SLC25A20: variants seen among roughly 807,000 people sequenced by gnomAD.
The protein encoded by SLC25A20 is mitochondrial carnitine/acylcarnitine carrier protein.
In SLC25A20, 29 loss-of-function variants were observed where a neutral mutation model predicts 39.7. The ratio of observed to expected loss-of-function variants is 0.73; its 90% CI spans 0.54 to 1.00. The LOEUF (loss-of-function observed/expected upper bound fraction) is 1.00, where lower values mean the gene tolerates loss of function less well. Ranked by LOEUF, SLC25A20 falls within the 50% of genes least tolerant of loss-of-function variation. SLC25A20 has a pLI of 0.00. For missense variants in SLC25A20, 333 were observed against 379.9 expected (o/e 0.88, Z 1.03); for synonymous variants, 103 against 142.2 (o/e 0.72, Z 1.96).
intron 1 of SLC25A20, among the ~76,000 whole-genome samples, chr3:48,897,933 T>C (rs565639655): frequency 7.2e-5 from 11 of 152,212 alleles, no homozygotes; most frequent in Non-Finnish European, 8.8e-5. Flanking sequence ...AAAGCATTAA[T>C]GAAGGTGTTG....
rs551018932 is a variant in SLC25A20 at position 48,879,773 on chromosome 3, G to C, written c.327-325C>G. Among the ~76,000 whole-genome samples the C allele has an allele frequency of 2.0e-5, 3 of 152,280 alleles. No individual in the cohort carries two copies. In the East Asian group the frequency reaches 5.8e-4, roughly 29 times the overall value. On this transcript the variant is annotated intron_variant, in intron 3 of 8. Transcript: ENST00000319017. The stretch of plus-strand genomic sequence containing the variant: ...ATGGCTTCCATCCATGCGCCTGCCA[G>C]GCACAGTGACTATGGACAAGTTTCC...
intron 2 of SLC25A20, among the ~76,000 whole-genome samples, chr3:48,885,036 C>T (rs2083820103): frequency 6.6e-6 from 1 of 152,020 alleles, no homozygotes; most frequent in Non-Finnish European, 1.5e-5. Context: ...GCAATTTTCA[C>T]TAGCACAGTT....
chr3:48,859,282 G>A (rs1302795324), intron 6 of SLC25A20, 81 bp from the exon 7 acceptor site: 1 of 1,318,356 alleles, frequency 7.6e-7, no homozygotes, highest in East Asian at 2.4e-5. Flanking sequence ...GGCAGACAGG[G>A]CAGTTACAGA....
chr3:48,878,672 C>T (rs900093977), intron 4 of SLC25A20, among the ~76,000 whole-genome samples: 23 of 151,168 alleles, frequency 1.5e-4, no homozygotes, highest in Non-Finnish European at 3.0e-4. Flanking sequence ...TGGTGGCAGG[C>T]GCCTGCAATC....
chr3:48,861,499 G>A (rs1397946610), intron 5 of SLC25A20, among the ~76,000 whole-genome samples: 2 of 152,210 alleles, frequency 1.3e-5, no homozygotes, highest in Non-Finnish European at 1.5e-5. Flanking sequence ...GACCAAGGCA[G>A]GTGGATCATC....
At chr3:48,868,830 C>T (rs568074328) in intron 4 of SLC25A20, among the ~76,000 whole-genome samples, 3 of 152,240 alleles carry the variant, frequency 2.0e-5, no homozygotes, top group South Asian at 4.1e-4. Flanking sequence ...ATGTTACCAG[C>T]GTGGAGTCAG....
rs768120163 is a variant in SLC25A20 at position 48,857,781 on chromosome 3, G to A, written c.844-9C>T. 6 of 1,613,012 alleles carry A rather than the reference G, an allele frequency of 3.7e-6. No individual in the cohort carries two copies. The highest frequency in any genetic ancestry group is 4.2e-6 in the Non-Finnish European group (5 of 1,179,626). ...AAGCCAAGGAAACAGGCCTAAGAAG[G>A]GATTGGGAGGAAGAAAAAAGCCAGC... On this transcript the variant is annotated splice_polypyrimidine_tract_variant and intron_variant, in intron 8 of 8. Transcript: ENST00000319017.
chr3:48,881,630 C>A (rs944355014), intron 3 of SLC25A20, among the ~76,000 whole-genome samples: 1 of 152,090 alleles, frequency 6.6e-6, no homozygotes, highest in African/African-American at 2.4e-5. Context: ...GGAGTGGGGT[C>A]CTGAGTGTCT....
Position 48,898,725 on chromosome 3 carries a change from G to C in SLC25A20, c.70C>G (p.Leu24Val), listed in dbSNP as rs2106672482. 2 of 1,608,814 alleles carry C rather than the reference G, an allele frequency of 1.2e-6. No homozygotes were observed. Among genetic ancestry groups the C allele is most frequent in the African/African-American group, 1.3e-5 (1 of 74,970 alleles). ...LLAGGFGGVC[L>V]VFVGHPLDTV... is the part of the protein sequence containing the mutation. ...TCCAGAGGGTGACCGACGAACACCA[G>C]GCACACGCCGCCAAAGCCGCCGGCC... Residue 24 changes from leucine to valine, a missense_variant, in exon 1 of 9, where the codon CTG becomes GTG. Transcript: ENST00000319017.
chr3:48,896,597 G>A (rs550350275), intron 1 of SLC25A20, among the ~76,000 whole-genome samples: 25 of 151,974 alleles, frequency 1.6e-4, no homozygotes, highest in Admixed American at 5.9e-4. Context: ...TGCAACCTCC[G>A]CCCTGTGGGT....
Position 48,879,461 on chromosome 3 carries a change from C to CA in SLC25A20, c.327-14dup. The CA allele has an allele frequency of 6.2e-7, 1 of 1,603,972 alleles. No individual in the cohort carries two copies. The highest frequency in any genetic ancestry group is 1.7e-4 in the Middle Eastern group (1 of 6,052). On this transcript the variant is annotated splice_polypyrimidine_tract_variant and intron_variant, in intron 3 of 8. Transcript: ENST00000319017. ...AAGCTGGGGATAGCTGCATTGAAAA[C>CA]AAAAAGCAGAAGCAAGCACCTGTGA...
chr3:48,878,343 C>T (rs966122940), intron 4 of SLC25A20, among the ~76,000 whole-genome samples: 9 of 148,570 alleles, frequency 6.1e-5, no homozygotes, highest in Admixed American at 2.0e-4. Context: ...GAAGACTTTA[C>T]GTTTATTTGA....
intron 4 of SLC25A20, among the ~76,000 whole-genome samples, chr3:48,873,846 G>A (rs1186255176): frequency 3.3e-5 from 5 of 151,402 alleles, no homozygotes; most frequent in Non-Finnish European, 5.9e-5. Flanking sequence ...GCAGGCGCCT[G>A]TAGTCCCAGC....
intron 4 of SLC25A20, among the ~76,000 whole-genome samples, chr3:48,870,845 G>T (rs1213614978): frequency 7.0e-6 from 1 of 141,968 alleles, no homozygotes; most frequent in Non-Finnish European, 1.5e-5. Flanking sequence ...TTGAGACAGG[G>T]TCTTACTCTA....
rs199770033 is a variant in SLC25A20, at chr3:48,862,536, G to T, written c.535+6C>A. 2 of 1,598,228 alleles carry T rather than the reference G, an allele frequency of 1.3e-6. No homozygotes were observed. The highest frequency in any genetic ancestry group is 1.7e-6 in the Non-Finnish European group (2 of 1,165,746). On this transcript the variant is annotated splice_donor_region_variant and intron_variant, in intron 5 of 8. Coordinates refer to ENST00000319017, the MANE Select transcript of SLC25A20 (RefSeq NM_000387.6). ...GGTGACCTCAAGTGGAGGCCTGAAA[G>T]GTTACCTCGCATAAGGGTAAGCACA...
chr3:48,897,366 TA>T (rs558986940), intron 1 of SLC25A20, among the ~76,000 whole-genome samples: 13,947 of 103,626 alleles, frequency 0.13, 807 homozygotes, highest in Non-Finnish European at 0.17. Context: ...TATATATATA[TA>T]TTTTTTTTTT....
At chr3:48,891,330 C>T (rs902026435) in intron 2 of SLC25A20, among the ~76,000 whole-genome samples, 1 of 152,154 alleles carries the variant, frequency 6.6e-6, no homozygotes, top group Non-Finnish European at 1.5e-5. Flanking sequence ...CCACCTTGGC[C>T]TCCCAAAGTG....
chr3:48,864,852 G>T (rs2083654035), intron 4 of SLC25A20, among the ~76,000 whole-genome samples: 1 of 152,140 alleles, frequency 6.6e-6, no homozygotes, highest in Non-Finnish European at 1.5e-5. Context: ...TGAAGGGATG[G>T]ATTTGGGATA....
At position 48,859,576 on chromosome 3, in the gene SLC25A20, A is replaced by G. The variant is rs1441825323; in HGVS notation, c.587T>C (p.Ile196Thr). 1 of 1,613,936 alleles carries G rather than the reference A, an allele frequency of 6.2e-7. No homozygotes were observed. The highest frequency in any genetic ancestry group is 1.3e-5 in the African/African-American group (1 of 74,934). The change falls in exon 6 of 9, where the codon ATC becomes ACC. Residue 196 changes from isoleucine to threonine, a missense_variant. Transcript: ENST00000319017. ...YFMTYEWLKN[I>T]FTPEGKRVSE... is the part of the protein sequence containing the mutation. ...TCACCTCTTTCCCTCCGGAGTGAAG[A>G]TATTTTTCAGCCATTCATATGTCAT...
Sources: allele counts gnomAD v4.1 joint callset (sites outside exome capture counted in the v4.1 genomes callset), GRCh38; gene constraint gnomAD v4.1.1; transcripts MANE v1.5; gene names NCBI Gene and HGNC (gene_info 2026-07-23, HGNC 2026-07-21).